The following SRP72 variants were observed in gnomAD, a reference collection of about 807,000 sequenced individuals.
The protein encoded by SRP72 is signal recognition particle subunit SRP72.
SRP72 carries 49 observed loss-of-function variants against 96.3 expected under a neutral mutation model. The ratio of observed to expected loss-of-function variants is 0.51; its 90% confidence interval spans 0.40 to 0.65. The LOEUF is 0.65. SRP72 is among the 30% of genes least tolerant of loss of function. The pLI is 0.00. For synonymous variants in SRP72, 267 were observed against 275.2 expected (o/e 0.97, Z 0.30); for missense variants, 736 against 793.3 (o/e 0.93, Z 0.87).
In SRP72 at chr4:56,490,612, C is replaced by CTT; in HGVS notation, c.1470_1471dup (p.Tyr491PhefsTer5). ...CACACCCTGGCACAGCTTATTTCTG[C>CTT]TTACTCACTTGTAGATCCAGAGAAA... On this transcript the variant is annotated frameshift_variant, in exon 15 of 19. Transcript: ENST00000642900. LOFTEE classifies it high-confidence loss of function. 6.2e-7 allele frequency: 1 copy of CTT among 1,613,972 alleles called. No homozygotes were observed. The highest frequency in any genetic ancestry group is 8.5e-7 in the Non-Finnish European group (1 of 1,179,936).
At chr4:56,479,584 A>G (rs1450448314) in intron 8 of SRP72, among the ~76,000 whole-genome samples, 3 of 144,094 alleles carry the variant, frequency 2.1e-5, no homozygotes, top group South Asian at 2.2e-4. Flanking sequence ...ATGACTCACT[A>G]TAGCCCCAGA....
chr4:56,488,722 C>G (rs1355426567), intron 12 of SRP72, among the ~76,000 whole-genome samples: 1 of 152,070 alleles, frequency 6.6e-6, no homozygotes, highest in East Asian at 1.9e-4. Context: ...CATAAAAGTT[C>G]TTCATTTTAT....
intron 3 of SRP72, 47 bp from the exon 4 acceptor site, chr4:56,474,007 T>C: frequency 6.3e-7 from 1 of 1,579,312 alleles, no homozygotes; most frequent in African/African-American, 1.4e-5. Context: ...ATTAAAGACA[T>C]AACACCATAT....
intron 1 of SRP72, 139 bp from the exon 2 acceptor site, chr4:56,469,514 C>G: frequency 1.4e-6 from 1 of 698,540 alleles, no homozygotes; most frequent in Non-Finnish European, 2.2e-6. Context: ...GTTGCTGTTT[C>G]TTCCAGTTGT....
intron 8 of SRP72, among the ~76,000 whole-genome samples, chr4:56,481,890 T>C (rs1000398306): frequency 2.0e-5 from 3 of 151,094 alleles, no homozygotes; most frequent in Non-Finnish European, 4.4e-5. Context: ...CTCAGCCTTC[T>C]GAGTAGCTGG....
chr4:56,483,222 A>G lies in SRP72; in HGVS notation c.909A>G (p.Leu303=), dbSNP rs562641527. 1.3e-5 allele frequency: 21 copies of G among 1,612,738 alleles called. No homozygotes were observed. In the East Asian group the frequency reaches 3.6e-4, roughly 27 times the overall value. The change falls in exon 9 of 19, where the codon CTA becomes CTG. Residue 303 remains leucine (L), a synonymous_variant. Transcript: ENST00000642900. ...GVEFKLSKKQ[L]QAIEFNKALL... ...AGTTTAAGCTTTCCAAGAAACAACT[A>G]CAAGCTATAGAATTTAACAAAGCTT...
rs1245362140 is a variant in SRP72 at position 56,502,979 on chromosome 4, G to A, written c.*1118G>A. 1 of 152,132 alleles carries A rather than the reference G, an allele frequency of 6.6e-6. No homozygotes were observed. The highest frequency in any genetic ancestry group is 1.5e-5 in the Non-Finnish European group (1 of 68,014). 9.4% of individuals were successfully genotyped at this position (152,132 alleles called of 1,614,324 possible). On this transcript the variant is annotated 3_prime_UTR_variant, in exon 19 of 19. Coordinates refer to ENST00000642900, the MANE Select transcript of SRP72 (RefSeq NM_006947.4). ...CAGACATATTGAGATGCCTGCCCTT[G>A]TTAGTATTCATTTTATGCTGCCCAA...
intron 17 of SRP72, among the ~76,000 whole-genome samples, chr4:56,499,455 G>A (rs1357067389): frequency 6.6e-6 from 1 of 152,028 alleles, no homozygotes; most frequent in East Asian, 1.9e-4. Flanking sequence ...TTACAGAATG[G>A]GAGAAAATTT....
intron 1 of SRP72, among the ~76,000 whole-genome samples, chr4:56,469,431 T>A (rs1719874640): frequency 1.3e-5 from 2 of 152,220 alleles, no homozygotes; most frequent in African/African-American, 4.8e-5. Flanking sequence ...GAAAATTTAA[T>A]CTATAACTCT....
chr4:56,493,070 C>T (rs1578194940), intron 16 of SRP72, among the ~76,000 whole-genome samples: 1 of 152,094 alleles, frequency 6.6e-6, no homozygotes, highest in Admixed American at 6.5e-5. Context: ...CGGAGTCTTG[C>T]TCTGTTGCCC....
At chr4:56,473,932 T>A in intron 3 of SRP72, 122 bp from the exon 4 acceptor site, 1 of 881,232 alleles carries the variant, frequency 1.1e-6, no homozygotes, top group Non-Finnish European at 1.7e-6. Flanking sequence ...ACATAAACAG[T>A]TGATTGTTCA....
chr4:56,486,717 T>C (rs368984591), intron 11 of SRP72, among the ~76,000 whole-genome samples: 1 of 152,242 alleles, frequency 6.6e-6, no homozygotes, highest in Admixed American at 6.5e-5. Flanking sequence ...GAAATGCTTA[T>C]GTCCGTCACT....
rs951902430 is a variant in SRP72, at chr4:56,503,398, T to G, written c.*1537T>G. ...TTGACCCAAGGCACAGCAGTGAAAT[T>G]TATAGTTCTCAATTTAGTTGTCATT... On this transcript the variant is annotated 3_prime_UTR_variant, in exon 19 of 19. Coordinates refer to ENST00000642900, the MANE Select transcript of SRP72 (RefSeq NM_006947.4). The G allele has an allele frequency of 1.3e-5, 2 of 152,230 alleles. No homozygotes were observed. The highest frequency in any genetic ancestry group is 4.8e-5 in the African/African-American group (2 of 41,462). The allele number at this position is 152,230 out of a possible 1,614,324, so 9.4% of individuals were successfully genotyped here.
At chr4:56,492,365 T>G (rs752604996) in intron 16 of SRP72, among the ~76,000 whole-genome samples, 2 of 152,236 alleles carry the variant, frequency 1.3e-5, no homozygotes, top group Non-Finnish European at 2.9e-5. Context: ...TTCATCTACT[T>G]AAAAGAAGTC....
chr4:56,469,972 G>GGT (rs1233945047), intron 2 of SRP72, among the ~76,000 whole-genome samples, 199 bp downstream of exon 2: 8 of 131,424 alleles, frequency 6.1e-5, no homozygotes, highest in African/African-American at 2.3e-4. Flanking sequence ...GCCTTAGAGA[G>GGT]TTTTTTTTTT....
chr4:56,473,819 C>T (rs1720087875), intron 3 of SRP72, among the ~76,000 whole-genome samples: 1 of 151,796 alleles, frequency 6.6e-6, no homozygotes, highest in African/African-American at 2.4e-5. Context: ...CTGAATCCTG[C>T]CTACAGAACC....
At chr4:56,487,644 A>G (rs1286015606) in intron 11 of SRP72, among the ~76,000 whole-genome samples, 3 of 152,196 alleles carry the variant, frequency 2.0e-5, no homozygotes, top group Admixed American at 6.5e-5. Context: ...AGCCCAAAAA[A>G]GAAGAAATAG....
Position 56,491,573 on chromosome 4 carries a change from T to TA in SRP72, c.1640+6dup, listed in dbSNP as rs572508224. 3.6e-3 allele frequency: 5,824 copies of TA among 1,612,326 alleles called. 29 individuals are homozygous for TA. Among genetic ancestry groups the TA allele is most frequent in the Middle Eastern group, 0.015 (88 of 6,058 alleles). ...TAGTCAACCAAAGGAACAAGGGTAATATTTTTCATTGTAACGTTCTCTAAT... is the reference window on the plus strand; with the variant it reads ...TAGTCAACCAAAGGAACAAGGGTAATAATTTTTCATTGTAACGTTCTCTAAT... On this transcript the variant is annotated splice_donor_region_variant and intron_variant, in intron 16 of 18. Coordinates refer to ENST00000642900, the MANE Select transcript of SRP72 (RefSeq NM_006947.4).
rs770199451 is a variant in SRP72, at chr4:56,486,339, G to A, written c.1101G>A (p.Gln367=). The change falls in exon 11 of 19, where the codon CAG becomes CAA. Residue 367 remains glutamine, a synonymous_variant. Coordinates refer to ENST00000642900, the MANE Select transcript of SRP72 (RefSeq NM_006947.4). ...AAAAAATTTAGGAATTTTCAGATCA[G>A]CATCCAGAAAATGCAGCTGAAATTA... ...AIELLQEFSD[Q]HPENAAEIKL... 3.1e-6 allele frequency: 5 copies of A among 1,604,518 alleles called. No individual in the cohort carries two copies. The highest frequency in any genetic ancestry group is 2.2e-5 in the East Asian group (1 of 44,646).
Sources: gnomAD v4.1 joint callset for allele counts (sites outside exome capture counted in the v4.1 genomes callset) on GRCh38, gnomAD v4.1.1 for gene constraint, MANE v1.5 for transcripts, NCBI Gene and HGNC (gene_info 2026-07-23, HGNC 2026-07-21) for gene names.